The following BMPER variants were observed in gnomAD, a reference collection of about 807,000 sequenced individuals.
BMPER encodes the protein BMP binding endothelial regulator, also known as BMP-binding endothelial regulator protein.
A neutral mutation model predicts 87.3 loss-of-function variants in BMPER; 45 were observed. The ratio of observed to expected loss-of-function variants is 0.52; its 90% CI spans 0.41 to 0.66. BMPER has a LOEUF of 0.66. Ranked by LOEUF, BMPER falls within the 30% of genes least tolerant of loss-of-function variation. The pLI, the probability that BMPER is intolerant of heterozygous loss-of-function variation, is 0.00. For synonymous variants in BMPER, 326 were observed against 316.2 expected (o/e 1.03, Z -0.33); for missense variants, 784 against 867.5 (o/e 0.90, Z 1.21).
intron 14 of BMPER, among the ~76,000 whole-genome samples, chr7:34,152,674 G>A (rs977321207): frequency 6.6e-6 from 1 of 152,030 alleles, no homozygotes; most frequent in African/African-American, 2.4e-5. Context: ...TTTTTTCTCT[G>A]TGGGTAATTT....
At chr7:33,905,458 C>A (rs538343641), upstream of BMPER, 10 of 490,566 alleles carry the variant, frequency 2.0e-5, no homozygotes, top group African/African-American at 4.2e-5. Flanking sequence ...CTCCCTCACA[C>A]CCCCCCGCCC....
chr7:34,147,577 TCTC>T (rs1225473696), intron 14 of BMPER, among the ~76,000 whole-genome samples: 72 of 152,256 alleles, frequency 4.7e-4, no homozygotes, highest in African/African-American at 1.6e-3. Flanking sequence ...TTCAAGTGAT[TCTC>T]CTGCCTCAGC....
At position 34,012,903 on chromosome 7, in the gene BMPER, T is replaced by C. The variant is rs534716442; in HGVS notation, c.577-33403T>C. Among the ~76,000 whole-genome samples, 6 of 152,062 alleles carry C rather than the reference T, an allele frequency of 3.9e-5. 1 individual carries two copies. Among genetic ancestry groups the C allele is most frequent in the African/African-American group, 1.4e-4 (6 of 41,538 alleles). ...ATGTGAAAACTCTAACCATCTGTTGTTTCTATGCGATATTAAAAAATATAA... is the reference window on the plus strand; with the variant it reads ...ATGTGAAAACTCTAACCATCTGTTGCTTCTATGCGATATTAAAAAATATAA... On this transcript the variant is annotated intron_variant, in intron 6 of 14. Transcript: ENST00000649409.
chr7:33,910,085 G>C (rs1183278907), intron 2 of BMPER, among the ~76,000 whole-genome samples: 1 of 152,178 alleles, frequency 6.6e-6, no homozygotes, highest in African/African-American at 2.4e-5. Flanking sequence ...TCATCTATTT[G>C]AGGGGGTAGG....
At chr7:33,906,694 A>G (rs2128600280) in intron 1 of BMPER, 124 bp from the exon 2 acceptor site, 1 of 839,638 alleles carries the variant, frequency 1.2e-6, no homozygotes, top group South Asian at 1.5e-5. Context: ...AATAATTTAA[A>G]CCACATTAAG....
intron 13 of BMPER, among the ~76,000 whole-genome samples, chr7:34,102,755 A>G (rs1460291413): frequency 6.6e-6 from 1 of 152,160 alleles, no homozygotes; most frequent in African/African-American, 2.4e-5. Flanking sequence ...ACACATTATG[A>G]TCAGGGCTGA....
intron 3 of BMPER, among the ~76,000 whole-genome samples, chr7:33,955,330 C>A (rs918999476): frequency 3.9e-5 from 6 of 152,232 alleles, no homozygotes; most frequent in Admixed American, 6.5e-5. Flanking sequence ...GCCACACAGA[C>A]TTCCAGAAGA....
At chr7:33,995,309 C>T (rs1171322597) in intron 6 of BMPER, among the ~76,000 whole-genome samples, 1 of 152,030 alleles carries the variant, frequency 6.6e-6, no homozygotes, top group East Asian at 1.9e-4. Context: ...TTTTGGAGGA[C>T]ATGAACTTCT....
intron 7 of BMPER, 112 bp downstream of exon 7, chr7:34,046,517 C>T: frequency 3.5e-6 from 4 of 1,134,274 alleles, no homozygotes; most frequent in Non-Finnish European, 5.3e-6. Flanking sequence ...TATTTCGTGG[C>T]TTGTTAGAGA....
intron 3 of BMPER, among the ~76,000 whole-genome samples, chr7:33,962,099 A>C (rs1268968928): frequency 6.6e-6 from 1 of 152,184 alleles, no homozygotes; most frequent in East Asian, 1.9e-4. Flanking sequence ...GAATGATGAA[A>C]ATGTGTGGTA....
chr7:33,912,446 T>C (rs1324121893), intron 2 of BMPER, among the ~76,000 whole-genome samples: 2 of 152,214 alleles, frequency 1.3e-5, no homozygotes, highest in Non-Finnish European at 2.9e-5. Flanking sequence ...GGCACTGGAC[T>C]TGACTGTGGG....
At chr7:34,087,555 G>A (rs946319317) in intron 13 of BMPER, among the ~76,000 whole-genome samples, 1 of 152,200 alleles carries the variant, frequency 6.6e-6, no homozygotes, top group African/African-American at 2.4e-5. Context: ...CTACCTTGAA[G>A]AGTCGCCATC....
chr7:34,051,716 A>G (rs1562711606), intron 7 of BMPER, 145 bp from the exon 8 acceptor site: 3 of 724,920 alleles, frequency 4.1e-6, no homozygotes, highest in African/African-American at 3.5e-5. Context: ...TCCTTTAGGC[A>G]TGTCTGACCC....
chr7:34,116,451 T>C (rs1346200867), intron 13 of BMPER, among the ~76,000 whole-genome samples: 1 of 152,218 alleles, frequency 6.6e-6, no homozygotes, highest in Non-Finnish European at 1.5e-5. Context: ...TTTAAAGAAG[T>C]TGGTGTTTCA....
At chr7:34,000,132 G>C (rs1239483661) in intron 6 of BMPER, among the ~76,000 whole-genome samples, 6 of 152,160 alleles carry the variant, frequency 3.9e-5, no homozygotes, top group Non-Finnish European at 7.4e-5. Context: ...GGCTGGAGAA[G>C]AGAAGGTGAA....
chr7:33,907,473 TTC>T (rs1783851429), intron 2 of BMPER, among the ~76,000 whole-genome samples: 1 of 152,200 alleles, frequency 6.6e-6, no homozygotes, highest in African/African-American at 2.4e-5. Flanking sequence ...GAAAGGACAA[TTC>T]CATCCTTAAT....
intron 14 of BMPER, among the ~76,000 whole-genome samples, chr7:34,152,089 T>C (rs1023959483): frequency 2.0e-5 from 3 of 152,232 alleles, no homozygotes; most frequent in Non-Finnish European, 4.4e-5. Context: ...ACCAGTTCTA[T>C]CTTTAAATTT....
intron 3 of BMPER, among the ~76,000 whole-genome samples, chr7:33,941,213 A>G (rs2128610610): frequency 7.0e-6 from 1 of 142,586 alleles, no homozygotes; most frequent in South Asian, 2.1e-4. Context: ...ATAAAAATAT[A>G]ATTTTAATAT....
chr7:33,967,472 C>T (rs952715075), intron 4 of BMPER, among the ~76,000 whole-genome samples: 56 of 152,226 alleles, frequency 3.7e-4, no homozygotes, highest in African/African-American at 1.2e-3. Context: ...TATTATATGC[C>T]ATGATAGGTA....
Sources: gnomAD v4.1 joint callset for allele counts (sites outside exome capture counted in the v4.1 genomes callset) on GRCh38, gnomAD v4.1.1 for gene constraint, MANE v1.5 for transcripts, NCBI Gene and HGNC (gene_info 2026-07-23, HGNC 2026-07-21) for gene names.